The following FGR variants were observed in gnomAD, a reference collection of about 807,000 sequenced individuals.
FGR encodes the protein tyrosine-protein kinase Fgr.
Under a neutral mutation model 63.2 loss-of-function variants are expected in FGR, and 26 were observed. That is an observed-to-expected ratio of 0.41 (90% CI 0.30 to 0.57). The LOEUF (loss-of-function observed/expected upper bound fraction) is 0.57, where lower values mean the gene tolerates loss of function less well. FGR is among the 20% of genes least tolerant of loss of function. FGR has a pLI of 0.27. For missense variants in FGR, 511 were observed against 690.8 expected, an observed-to-expected ratio of 0.74 and a Z score of 2.92; for synonymous variants, 286 against 277.7, an observed-to-expected ratio of 1.03 and a Z score of -0.30.
intron 2 of FGR, 135 bp downstream of exon 2, chr1:27,624,954 C>A (rs1470112212): frequency 6.6e-6 from 1 of 152,608 alleles, no homozygotes; most frequent in East Asian, 1.9e-4. Context: ...CAAGCTGCCT[C>A]ATTCTGGCTC....
At position 27,629,162 on chromosome 1, in the gene FGR, A is replaced by AC. The variant is rs376749512; in HGVS notation, c.-76-4012dup. Among the ~76,000 whole-genome samples the AC allele has an allele frequency of 6.2e-4, 94 of 152,234 alleles. 1 individual carries two copies. The highest frequency in any genetic ancestry group is 2.2e-3 in the African/African-American group (90 of 41,526). ...AAAGACAGAGAGATAGAAGGAAGAGACAGAGACAGAGAAACACAGCGTGGT... is the reference window on the plus strand; with the variant it reads ...AAAGACAGAGAGATAGAAGGAAGAGACCAGAGACAGAGAAACACAGCGTGGT... On this transcript the variant is annotated intron_variant, in intron 1 of 12. Coordinates refer to ENST00000374005, the MANE Select transcript of FGR (RefSeq NM_005248.3).
At position 27,617,999 on chromosome 1, in the gene FGR, G is replaced by A. The variant is rs1402912783; in HGVS notation, c.429-703C>T. 6.6e-6 allele frequency among the ~76,000 whole-genome samples: 1 copy of A among 152,210 alleles called. No individual in the cohort carries two copies. The highest frequency in any genetic ancestry group is 1.9e-4 in the East Asian group (1 of 5,204). The stretch of plus-strand genomic sequence containing the variant: ...TGGGGGAGCTGAAGTGACCACAGGT[G>A]CCATAGAAGACTCAGATGATCATGA... On this transcript the variant is annotated intron_variant, in intron 5 of 12. Coordinates refer to ENST00000374005, the MANE Select transcript of FGR (RefSeq NM_005248.3). This position sits in a 1 kb window ranked among gnomAD's most constrained non-coding sequence, Gnocchi z 4.5.
In FGR at chr1:27,617,177, G is replaced by A. The variant is rs2231874; in HGVS notation, c.532+16C>T. On this transcript the variant is annotated intron_variant, in intron 6 of 12. Coordinates refer to ENST00000374005, the MANE Select transcript of FGR (RefSeq NM_005248.3). The surrounding 1 kb of genome is among the most constrained non-coding windows in gnomAD (Gnocchi z 4.5). Reference sequence around the variant, plus strand: ...CTGGGCCTCCCAGTCGCCTTGGGGCGTGGCACCACCCCTACCTTTGGTGGT... The same window carrying A: ...CTGGGCCTCCCAGTCGCCTTGGGGCATGGCACCACCCCTACCTTTGGTGGT... 9.5e-3 allele frequency: 15,258 copies of A among 1,611,198 alleles called. 1,482 individuals carry two copies. In the Admixed American group the frequency reaches 0.2, roughly 21 times the overall value.
chr1:27,623,547 T>A (rs1373598327), intron 3 of FGR, 144 bp downstream of exon 3: 4 of 828,080 alleles, frequency 4.8e-6, no homozygotes, highest in Non-Finnish European at 8.1e-6. Context: ...CTGTACAGAC[T>A]CCCTCAGCCC....
chr1:27,620,696 C>G (rs1242247988), intron 5 of FGR, among the ~76,000 whole-genome samples: 1 of 150,836 alleles, frequency 6.6e-6, no homozygotes, highest in East Asian at 2.0e-4. Context: ...AGTATACTTG[C>G]TCAAGTATAT....
At position 27,612,678 on chromosome 1, in the gene FGR, G is replaced by T. The variant is rs143306787; in HGVS notation, c.*236C>A. On this transcript the variant is annotated 3_prime_UTR_variant, in exon 13 of 13. Transcript: ENST00000374005. ...AGGCTACAGGCATGTAGGGGCCTAA[G>T]TGGAAAAGGAAGAAATAGTGCTTGG... The T allele has an allele frequency of 3.1e-3, 1,674 of 532,476 alleles. 25 individuals carry two copies. Among genetic ancestry groups the T allele is most frequent in the African/African-American group, 0.026 (1,367 of 52,992 alleles). The allele number at this position is 532,476 out of a possible 1,614,324, so 33.0% of individuals were successfully genotyped here.
At chr1:27,620,984 C>T (rs1458726281) in intron 5 of FGR, among the ~76,000 whole-genome samples, 4 of 95,106 alleles carry the variant, frequency 4.2e-5, no homozygotes, top group Non-Finnish European at 5.6e-5. Flanking sequence ...AGAGTAGGAC[C>T]CTGTCTCAAA....
Position 27,612,641 on chromosome 1 carries a change from AT to A in FGR, c.*272del. 2.3e-6 allele frequency: 1 copy of A among 434,334 alleles called. No homozygotes were observed. The highest frequency in any genetic ancestry group is 2.0e-5 in the African/African-American group (1 of 50,972). The allele number at this position is 434,334 out of a possible 1,614,324, so 26.9% of individuals were successfully genotyped here. ...CAAGGTCTGAGCACTTTGGGTGGGG[AT>A]GGAGTGAGAAAGGCTACAGGCATGT... On this transcript the variant is annotated 3_prime_UTR_variant, in exon 13 of 13. Coordinates refer to ENST00000374005, the MANE Select transcript of FGR (RefSeq NM_005248.3).
At chr1:27,622,978 G>T in intron 4 of FGR, 64 bp downstream of exon 4, 1 of 1,166,100 alleles carries the variant, frequency 8.6e-7, no homozygotes, top group South Asian at 1.2e-5. Flanking sequence ...GACCAGGTGG[G>T]ATTCCTGTCT....
chr1:27,614,819 T>G, intron 10 of FGR, 31 bp downstream of exon 10: 3 of 1,554,496 alleles, frequency 1.9e-6, no homozygotes, highest in Non-Finnish European at 2.6e-6. Flanking sequence ...AGGTGGGAGG[T>G]CCGGGAGGTA....
At chr1:27,623,656 C>G in intron 3 of FGR, 35 bp downstream of exon 3, 1 of 1,599,902 alleles carries the variant, frequency 6.3e-7, no homozygotes, top group Admixed American at 1.7e-5. Context: ...CTCCCAGGAT[C>G]CAGGCAGCTC....
At position 27,615,956 on chromosome 1, in the gene FGR, C is replaced by A. The variant is rs934585208; in HGVS notation, c.683-112G>T. 9.0e-6 allele frequency: 11 copies of A among 1,225,230 alleles called. No homozygotes were observed. The African/African-American group carries it at 1.7e-4, about 19-fold the overall frequency. 75.9% of individuals were successfully genotyped at this position (1,225,230 alleles called of 1,614,324 possible). A position where few individuals can be genotyped will look rare whatever the true frequency, so the allele number is the denominator to read the frequency against. On this transcript the variant is annotated intron_variant, in intron 7 of 12. Coordinates refer to ENST00000374005, the MANE Select transcript of FGR (RefSeq NM_005248.3). This position sits in a 1 kb window ranked among gnomAD's most constrained non-coding sequence, Gnocchi z 7.6. ...CTAAGATCAGTTATAAGGAACTAGG[C>A]CCCAAGTGAGGTCACAGGCCAGGAA...
chr1:27,612,924 TC>T lies in FGR; in HGVS notation c.1579del (p.Asp527IlefsTer48). ...TSAEPQYQPG[D>X]QT ...TGATGCCCGGACAGGCTATGTCTGA[TC>T]CCCGGGCTGGTACTGTGGTTCAGCG... On this transcript the variant is annotated frameshift_variant, in exon 13 of 13. Coordinates refer to ENST00000374005, the MANE Select transcript of FGR (RefSeq NM_005248.3). LOFTEE classifies it high-confidence loss of function. 1.2e-6 allele frequency: 2 copies of T among 1,613,702 alleles called. No homozygotes were observed. The highest frequency in any genetic ancestry group is 1.1e-5 in the South Asian group (1 of 91,016).
intron 5 of FGR, among the ~76,000 whole-genome samples, chr1:27,619,190 T>C (rs996832449): frequency 6.6e-6 from 1 of 152,174 alleles, no homozygotes; most frequent in Admixed American, 6.5e-5. Flanking sequence ...TAAAAATTTT[T>C]AATTAATTAA....
intron 1 of FGR, among the ~76,000 whole-genome samples, chr1:27,628,112 G>C (rs1192368555): frequency 1.3e-5 from 2 of 151,540 alleles, no homozygotes; most frequent in African/African-American, 2.4e-5. Flanking sequence ...AAATTGGCCA[G>C]GCACGGTGGC....
intron 1 of FGR, among the ~76,000 whole-genome samples, chr1:27,626,880 G>T (rs1460964933): frequency 6.6e-6 from 1 of 152,088 alleles, no homozygotes; most frequent in Non-Finnish European, 1.5e-5. Flanking sequence ...CAAAAACAAG[G>T]GTGAGGCCGG....
At position 27,617,186 on chromosome 1, in the gene FGR, C is replaced by T. The variant is rs780707386; in HGVS notation, c.532+7G>A. Reference sequence around the variant, plus strand: ...CCAGTCGCCTTGGGGCGTGGCACCACCCCTACCTTTGGTGGTCTCGCTTTC... The same window carrying T: ...CCAGTCGCCTTGGGGCGTGGCACCATCCCTACCTTTGGTGGTCTCGCTTTC... On this transcript the variant is annotated splice_region_variant and intron_variant, in intron 6 of 12. Transcript: ENST00000374005. The surrounding 1 kb of genome is among the most constrained non-coding windows in gnomAD (Gnocchi z 4.5). The T allele has an allele frequency of 6.2e-7, 1 of 1,613,512 alleles. No individual in the cohort carries two copies. The highest frequency in any genetic ancestry group is 8.5e-7 in the Non-Finnish European group (1 of 1,179,424).
intron 1 of FGR, among the ~76,000 whole-genome samples, chr1:27,633,987 G>A (rs530807326): frequency 2.0e-5 from 3 of 152,316 alleles, no homozygotes; most frequent in African/African-American, 7.2e-5. Context: ...CAGCAATTAA[G>A]GGCCCAGTCT....
intron 1 of FGR, among the ~76,000 whole-genome samples, chr1:27,630,556 C>T (rs1324559440): frequency 4.0e-5 from 6 of 150,704 alleles, no homozygotes; most frequent in Admixed American, 6.6e-5. Context: ...GCAGGCAGGG[C>T]GCAGGTGGGG....
Sources: gnomAD v4.1 joint callset for allele counts (sites outside exome capture counted in the v4.1 genomes callset) on GRCh38, gnomAD v4.1.1 for gene constraint, Gnocchi (gnomAD v3.1) non-coding constraint, MANE v1.5 for transcripts, NCBI Gene and HGNC (gene_info 2026-07-23, HGNC 2026-07-21) for gene names.